POLH: variants seen among roughly 807,000 people sequenced by gnomAD.
POLH encodes the protein DNA polymerase eta.
A neutral mutation model predicts 73.6 loss-of-function variants in POLH; 53 were observed. The ratio of observed to expected loss-of-function variants is 0.72; its 90% confidence interval spans 0.58 to 0.91. The LOEUF is 0.91. Among genes scored for constraint, POLH ranks in the 40% least tolerant of loss-of-function variants. POLH has a pLI of 0.00. For missense variants in POLH, 768 were observed against 865.4 expected, an observed-to-expected ratio of 0.89 and a Z score of 1.41; for synonymous variants, 292 against 308.5, an observed-to-expected ratio of 0.95 and a Z score of 0.56.
At chr6:43,588,346 GTCTTTCCTTCCTTCCT>G (rs372248952) in intron 4 of POLH, 8,407 of 152,126 alleles carry the variant, frequency 0.055, 320 homozygotes, top group Non-Finnish European at 0.081. Flanking sequence ...TTAGATGTCT[GTCTTTCCTTCCTTCCT>G]TCTTTCCTTC....
At chr6:43,589,645 T>G (rs1487148512) in intron 4 of POLH, among the ~76,000 whole-genome samples, 1 of 151,920 alleles carries the variant, frequency 6.6e-6, no homozygotes, top group Non-Finnish European at 1.5e-5. Flanking sequence ...GTCTTTTTTT[T>G]TTTTTTGAGA....
Position 43,614,406 on chromosome 6 carries a change from TG to T in POLH, c.1992del (p.Leu664PhefsTer48). 6.2e-7 allele frequency: 1 copy of T among 1,614,202 alleles called. No individual in the cohort carries two copies. Among genetic ancestry groups the T allele is most frequent in the Non-Finnish European group, 8.5e-7 (1 of 1,180,034 alleles). On this transcript the variant is annotated frameshift_variant, in exon 11 of 11. Coordinates refer to ENST00000372236, the MANE Select transcript of POLH (RefSeq NM_006502.3). LOFTEE classifies it high-confidence loss of function. ...HFALELQKSF[L>X]QPHSSNPQVV... The stretch of plus-strand genomic sequence containing the variant: ...GCATTGGAGTTGCAGAAATCCTTTT[TG>T]CAGCCCCACTCTTCAAACCCCCAGG...
At chr6:43,587,172 T>G in intron 3 of POLH, 100 bp from the exon 4 acceptor site, 1 of 890,014 alleles carries the variant, frequency 1.1e-6, no homozygotes, top group Non-Finnish European at 1.9e-6. Flanking sequence ...GTCTCTTGAT[T>G]ACGTGTATTA....
chr6:43,604,598 T>C lies in POLH; in HGVS notation c.885-17T>C. 1 of 1,613,432 alleles carries C rather than the reference T, an allele frequency of 6.2e-7. No homozygotes were observed. The highest frequency in any genetic ancestry group is 1.1e-5 in the South Asian group (1 of 91,068). ...ATCATTTAATTTCACCTTAACGTTT[T>C]TTGCTGGTCTTATTAGGTCTTGGCT... On this transcript the variant is annotated splice_polypyrimidine_tract_variant and intron_variant, in intron 7 of 10. Coordinates refer to ENST00000372236, the MANE Select transcript of POLH (RefSeq NM_006502.3).
At chr6:43,581,187 G>A (rs1217255469) in intron 1 of POLH, among the ~76,000 whole-genome samples, 4 of 149,100 alleles carry the variant, frequency 2.7e-5, no homozygotes, top group East Asian at 2.0e-4. Flanking sequence ...CGGGGCAGCC[G>A]GGCAGAGACG....
intron 4 of POLH, among the ~76,000 whole-genome samples, chr6:43,589,671 G>A (rs1765225568): frequency 7.1e-6 from 1 of 140,648 alleles, no homozygotes; most frequent in Non-Finnish European, 1.5e-5. Flanking sequence ...GTCTCACTAT[G>A]TTGCCCAGGC....
chr6:43,591,811 C>G (rs542337606), intron 4 of POLH, among the ~76,000 whole-genome samples: 1 of 152,256 alleles, frequency 6.6e-6, no homozygotes, highest in South Asian at 2.1e-4. Flanking sequence ...TTCACAAACC[C>G]TCTGAAATCC....
At chr6:43,598,874 A>G (rs1052340338) in intron 5 of POLH, among the ~76,000 whole-genome samples, 16 of 151,886 alleles carry the variant, frequency 1.1e-4, no homozygotes, top group African/African-American at 3.9e-4. Context: ...CCCTGCAGAT[A>G]TTGAGAGATG....
At chr6:43,600,568 T>G (rs1054105028) in intron 5 of POLH, among the ~76,000 whole-genome samples, 15 of 152,204 alleles carry the variant, frequency 9.9e-5, no homozygotes, top group African/African-American at 2.9e-4. Context: ...GGACTCAAAA[T>G]GGACCAACTA....
At chr6:43,597,177 G>T (rs1011251076) in intron 4 of POLH, among the ~76,000 whole-genome samples, 1 of 151,946 alleles carries the variant, frequency 6.6e-6, no homozygotes, top group African/African-American at 2.4e-5. Flanking sequence ...GTGCAGTGGC[G>T]CAATCTCGGC....
At chr6:43,596,097 A>G (rs1020205103) in intron 4 of POLH, among the ~76,000 whole-genome samples, 10 of 152,202 alleles carry the variant, frequency 6.6e-5, no homozygotes, top group African/African-American at 2.4e-4. Flanking sequence ...AGCTAGCTAG[A>G]ATAGTTGAAG....
chr6:43,581,236 C>T (rs1196799811), intron 1 of POLH, among the ~76,000 whole-genome samples: 2 of 150,000 alleles, frequency 1.3e-5, no homozygotes, highest in East Asian at 2.0e-4. Context: ...AGGGCAGAGG[C>T]GCTCCTCACA....
Position 43,605,304 on chromosome 6 carries a change from TA to T in POLH, c.1062del (p.Asp355ThrfsTer8). The T allele has an allele frequency of 6.3e-7, 1 of 1,583,884 alleles. No homozygotes were observed. The highest frequency in any genetic ancestry group is 8.7e-7 in the Non-Finnish European group (1 of 1,152,864). ...CCCAGGAACTAGAGGAGAGACTGAC[TA>T]AAGACCGAAATGATGTAAGATTTTC... ...LAQELEERLT[K>X]DRNDNDRVAT... On this transcript the variant is annotated frameshift_variant, in exon 9 of 11. Transcript: ENST00000372236. LOFTEE classifies it high-confidence loss of function.
At chr6:43,582,730 G>C (rs577946430) in intron 2 of POLH, among the ~76,000 whole-genome samples, 3 of 150,784 alleles carry the variant, frequency 2.0e-5, no homozygotes, top group East Asian at 1.9e-4. Flanking sequence ...GGATTGGTTG[G>C]GGGGGCAGGG....
In POLH at chr6:43,618,342, G is replaced by C. The variant is rs938317458; in HGVS notation, c.*3785G>C. ...AGCTAATTTTTGTATTTTTAGTAGA[G>C]ACAGGTTTTCACCATGTTGGCCAGG... On this transcript the variant is annotated 3_prime_UTR_variant, in exon 11 of 11. Coordinates refer to ENST00000372236, the MANE Select transcript of POLH (RefSeq NM_006502.3). Among the ~76,000 whole-genome samples the C allele has an allele frequency of 1.3e-5, 2 of 152,000 alleles. No homozygotes were observed. The highest frequency in any genetic ancestry group is 4.8e-5 in the African/African-American group (2 of 41,376).
rs749395920 is a variant in POLH, at chr6:43,587,467, G to A, written c.468G>A (p.Thr156=). 20 of 1,613,462 alleles carry A rather than the reference G, an allele frequency of 1.2e-5. No individual in the cohort carries two copies. The highest frequency in any genetic ancestry group is 3.3e-5 in the Admixed American group (2 of 59,986). Residue 156 remains threonine, a synonymous_variant, in exon 4 of 11, where the codon ACG becomes ACA. Coordinates refer to ENST00000372236, the MANE Select transcript of POLH (RefSeq NM_006502.3). The part of the protein sequence containing the change: ...YIEGLPQGPT[T]AEETVQKEGM... ...AAGGGTTGCCCCAAGGCCCTACAAC[G>A]GCAGAAGAGACTGTTCAGAAAGGTA...
At chr6:43,599,669 G>A (rs79396527) in intron 5 of POLH, among the ~76,000 whole-genome samples, 1,913 of 135,902 alleles carry the variant, frequency 0.014, 43 homozygotes, top group African/African-American at 0.055. Flanking sequence ...TGAAGGGAAA[G>A]GAAACAATAA....
chr6:43,589,561 G>T (rs904398009), intron 4 of POLH, among the ~76,000 whole-genome samples: 2 of 151,328 alleles, frequency 1.3e-5, no homozygotes, highest in African/African-American at 4.9e-5. Flanking sequence ...TTTTTCCATG[G>T]AAAAATGGTA....
At chr6:43,596,422 G>A (rs1388579152) in intron 4 of POLH, among the ~76,000 whole-genome samples, 1 of 151,498 alleles carries the variant, frequency 6.6e-6, no homozygotes, top group African/African-American at 2.4e-5. Flanking sequence ...GGCAGAGCTT[G>A]CAGTGAGGCG....
Sources: gnomAD v4.1 joint callset for allele counts (sites outside exome capture counted in the v4.1 genomes callset) on GRCh38, gnomAD v4.1.1 for gene constraint, MANE v1.5 for transcripts, NCBI Gene and HGNC (gene_info 2026-07-23, HGNC 2026-07-21) for gene names.